The following ESRRG variants were observed in gnomAD, a reference collection of about 807,000 sequenced individuals.
The protein encoded by ESRRG is estrogen-related receptor gamma.
In ESRRG, 13 loss-of-function variants were observed where a neutral mutation model predicts 44.0. The ratio of observed to expected loss-of-function variants is 0.30; its 90% confidence interval spans 0.19 to 0.47. The LOEUF is 0.47. Ranked by LOEUF, ESRRG falls within the 20% of genes least tolerant of loss-of-function variation. ESRRG has a pLI of 1.00. For synonymous variants in ESRRG, 215 were observed against 214.6 expected, an observed-to-expected ratio of 1.00 and a Z score of -0.02; for missense variants, 395 against 580.6, an observed-to-expected ratio of 0.68 and a Z score of 3.29.
chr1:216,824,883 T>C (rs1282747024), intron 2 of ESRRG, among the ~76,000 whole-genome samples: 1 of 152,232 alleles, frequency 6.6e-6, no homozygotes, highest in Non-Finnish European at 1.5e-5. Context: ...GCTGTCTACC[T>C]GCCTTGCCTT....
At chr1:216,824,037 T>A (rs996520300) in intron 2 of ESRRG, among the ~76,000 whole-genome samples, 2 of 152,182 alleles carry the variant, frequency 1.3e-5, no homozygotes, top group African/African-American at 4.8e-5. Flanking sequence ...TAATCACCAG[T>A]AATGATGAAG....
chr1:217,107,441 T>C (rs1235527106), intron 1 of ESRRG, among the ~76,000 whole-genome samples: 2 of 151,260 alleles, frequency 1.3e-5, no homozygotes, highest in Non-Finnish European at 2.9e-5. Context: ...GTGTGATTTC[T>C]AGTTATGTCT....
At position 216,607,496 on chromosome 1, in the gene ESRRG, TGAAGA is replaced by T. The variant is rs550567816; in HGVS notation, c.590-39403_590-39399del. Among the ~76,000 whole-genome samples, 419 of 152,318 alleles carry T rather than the reference TGAAGA, an allele frequency of 2.8e-3. 3 individuals are homozygous for T. The highest frequency in any genetic ancestry group is 9.7e-3 in the African/African-American group (403 of 41,572). The stretch of plus-strand genomic sequence containing the variant: ...TTATATTTGAAAGAAAGAAACTGAA[TGAAGA>T]GATGTTACAGCATCAACTCCGTGTG... On this transcript the variant is annotated intron_variant, in intron 3 of 6. Transcript: ENST00000408911.
chr1:216,782,042 G>T (rs1372210018), intron 2 of ESRRG, among the ~76,000 whole-genome samples: 1 of 151,976 alleles, frequency 6.6e-6, no homozygotes, highest in Non-Finnish European at 1.5e-5. Flanking sequence ...TAAAAGCTAG[G>T]CCTCCCTTTC....
At chr1:216,570,956 TG>T (rs1387964880) in intron 3 of ESRRG, among the ~76,000 whole-genome samples, 1 of 152,184 alleles carries the variant, frequency 6.6e-6, no homozygotes, top group African/African-American at 2.4e-5. Context: ...CTAGTGAGTT[TG>T]TGACAATGGA....
chr1:217,025,342 A>G (rs1193767167), intron 1 of ESRRG, among the ~76,000 whole-genome samples: 1 of 146,446 alleles, frequency 6.8e-6, no homozygotes, highest in Non-Finnish European at 1.5e-5. Context: ...CCAAAAATAA[A>G]TTTCTGCTTT....
At chr1:217,027,563 T>C (rs979288796) in intron 1 of ESRRG, among the ~76,000 whole-genome samples, 5 of 152,126 alleles carry the variant, frequency 3.3e-5, no homozygotes, top group Non-Finnish European at 7.4e-5. Context: ...AAACAATAGA[T>C]TTTAGTATTT....
At position 216,591,831 on chromosome 1, in the gene ESRRG, G is replaced by A. The variant is rs368406132; in HGVS notation, c.590-23733C>T. ...TCATTGAATAAAATGGGAATCCATC[G>A]GTCTACCTTGACATAAATAAATAAA... is the stretch of plus-strand genomic sequence containing the variant. On this transcript the variant is annotated intron_variant, in intron 3 of 6. Coordinates refer to ENST00000408911, the MANE Select transcript of ESRRG (RefSeq NM_001438.4). 2.1e-4 allele frequency among the ~76,000 whole-genome samples: 32 copies of A among 152,182 alleles called. No individual in the cohort carries two copies. In the East Asian group the frequency reaches 3.3e-3, roughly 16 times the overall value.
At chr1:216,937,070 C>G (rs2064265838) in intron 2 of ESRRG, among the ~76,000 whole-genome samples, 1 of 151,196 alleles carries the variant, frequency 6.6e-6, no homozygotes, top group Non-Finnish European at 1.5e-5. Flanking sequence ...ATCTTTGCCC[C>G]CAAGAAAGAA....
intron 2 of ESRRG, among the ~76,000 whole-genome samples, chr1:216,856,622 A>C (rs2149047644): frequency 6.6e-6 from 1 of 152,360 alleles, no homozygotes; most frequent in East Asian, 1.9e-4. Context: ...ATCTCTGGAG[A>C]GAAGAGTCAA....
At chr1:217,020,015 C>T (rs1023965056) in intron 1 of ESRRG, among the ~76,000 whole-genome samples, 1 of 152,138 alleles carries the variant, frequency 6.6e-6, no homozygotes. Context: ...TCTGGTATCC[C>T]TAATACTACT....
At chr1:216,534,368 CAGT>C (rs2050273329) in intron 5 of ESRRG, among the ~76,000 whole-genome samples, 1 of 152,090 alleles carries the variant, frequency 6.6e-6, no homozygotes, top group African/African-American at 2.4e-5. Context: ...ATGTCTATTT[CAGT>C]AGTGAAAGAG....
At chr1:216,683,693 C>A (rs917116228) in intron 1 of ESRRG, among the ~76,000 whole-genome samples, 2 of 152,190 alleles carry the variant, frequency 1.3e-5, no homozygotes, top group African/African-American at 4.8e-5. Context: ...CAACTCATTT[C>A]TGGCTGATCA....
chr1:216,745,141 C>CT (rs369902718), intron 2 of ESRRG, among the ~76,000 whole-genome samples: 2,292 of 151,950 alleles, frequency 0.015, 58 homozygotes, highest in African/African-American at 0.048. Flanking sequence ...GTCTTTCATC[C>CT]TTTTTTTGTT....
chr1:216,514,500 T>C (rs2043610054), intron 6 of ESRRG, among the ~76,000 whole-genome samples: 1 of 152,136 alleles, frequency 6.6e-6, no homozygotes, highest in South Asian at 2.1e-4. Context: ...TGGGTAGTTT[T>C]ATACTCCTCT....
intron 2 of ESRRG, among the ~76,000 whole-genome samples, chr1:216,667,407 C>A (rs991833492): frequency 6.6e-6 from 1 of 151,880 alleles, no homozygotes; most frequent in African/African-American, 2.4e-5. Flanking sequence ...AAGTTTAGGC[C>A]GGGTGCAGTG....
At chr1:217,063,745 T>C (rs916212888) in intron 1 of ESRRG, among the ~76,000 whole-genome samples, 3 of 152,154 alleles carry the variant, frequency 2.0e-5, no homozygotes, top group Non-Finnish European at 4.4e-5. Flanking sequence ...TCATAAGAGG[T>C]GTTTCTAAGT....
intron 2 of ESRRG, among the ~76,000 whole-genome samples, chr1:216,869,818 T>A (rs1380584132): frequency 2.0e-5 from 3 of 152,000 alleles, no homozygotes; most frequent in Non-Finnish European, 4.4e-5. Context: ...ATTATAATTT[T>A]TTTAAATTTT....
chr1:216,643,392 C>T (rs2066855754), intron 3 of ESRRG, among the ~76,000 whole-genome samples: 1 of 152,156 alleles, frequency 6.6e-6, no homozygotes, highest in African/African-American at 2.4e-5. Flanking sequence ...ATACTCCTAC[C>T]ATTTCTTCCA....
Sources: allele counts gnomAD v4.1 joint callset (sites outside exome capture counted in the v4.1 genomes callset), GRCh38; gene constraint gnomAD v4.1.1; transcripts MANE v1.5; gene names NCBI Gene and HGNC (gene_info 2026-07-23, HGNC 2026-07-21).